The following SH3RF3 variants were observed in gnomAD, a reference collection of about 807,000 sequenced individuals.
SH3RF3 encodes E3 ubiquitin-protein ligase SH3RF3.
A neutral mutation model predicts 66.3 loss-of-function variants in SH3RF3; 29 were observed. That is an observed-to-expected ratio of 0.44 (90% confidence interval 0.33 to 0.60). The LOEUF is 0.60. Among genes scored for constraint, SH3RF3 ranks in the 20% least tolerant of loss-of-function variants. SH3RF3 has a pLI of 0.04. For missense variants in SH3RF3, 1,194 were observed against 1,190.9 expected, an observed-to-expected ratio of 1.00 and a Z score of -0.04; for synonymous variants, 583 against 532.0, an observed-to-expected ratio of 1.10 and a Z score of -1.32.
intron 1 of SH3RF3, among the ~76,000 whole-genome samples, chr2:109,334,553 C>G (rs1285182761): frequency 6.6e-6 from 1 of 152,088 alleles, no homozygotes; most frequent in Non-Finnish European, 1.5e-5. Flanking sequence ...CAGGGGAACC[C>G]TCACCCGCTC....
chr2:109,252,289 A>G (rs1351883361), intron 1 of SH3RF3, among the ~76,000 whole-genome samples: 1 of 152,210 alleles, frequency 6.6e-6, no homozygotes, highest in Non-Finnish European at 1.5e-5. Context: ...TATAATTTAA[A>G]AAGATGTTTT....
At chr2:109,350,246 A>G (rs1682810772) in intron 2 of SH3RF3, among the ~76,000 whole-genome samples, 1 of 152,200 alleles carries the variant, frequency 6.6e-6, no homozygotes, top group African/African-American at 2.4e-5. Context: ...ATGGCTGCCC[A>G]GGCTCTCTGG....
intron 1 of SH3RF3, among the ~76,000 whole-genome samples, chr2:109,329,635 T>C (rs1682239038): frequency 6.6e-6 from 1 of 152,218 alleles, no homozygotes; most frequent in South Asian, 2.1e-4. Context: ...GAGGACACTT[T>C]AGCAGAGAGA....
At chr2:109,473,673 AAGC>A (rs1289185650) in intron 8 of SH3RF3, among the ~76,000 whole-genome samples, 1 of 152,008 alleles carries the variant, frequency 6.6e-6, no homozygotes, top group Non-Finnish European at 1.5e-5. Flanking sequence ...TGGAGGGAGG[AAGC>A]AGCGTGCCAT....
rs115171345 is a variant in SH3RF3, at chr2:109,486,710, C to T, written c.2149-3895C>T. Among the ~76,000 whole-genome samples, 135 of 151,946 alleles carry T rather than the reference C, an allele frequency of 8.9e-4. 1 individual carries two copies. The highest frequency in any genetic ancestry group is 3.1e-3 in the African/African-American group (130 of 41,426). ...AGTTTGCACCCAGCAGTGTGGTTGG[C>T]GCAGGATGTGTTAGAGGAAGGGGAG... is the stretch of plus-strand genomic sequence containing the variant. On this transcript the variant is annotated intron_variant, in intron 8 of 9. Transcript: ENST00000309415.
At chr2:109,498,578 A>C (rs1474286318) in intron 9 of SH3RF3, among the ~76,000 whole-genome samples, 1 of 152,158 alleles carries the variant, frequency 6.6e-6, no homozygotes, top group Non-Finnish European at 1.5e-5. Flanking sequence ...ACTCAGCTCG[A>C]TTTTCAGACA....
At chr2:109,336,433 C>T (rs1462041094) in intron 1 of SH3RF3, among the ~76,000 whole-genome samples, 2 of 152,202 alleles carry the variant, frequency 1.3e-5, no homozygotes, top group Non-Finnish European at 2.9e-5. Flanking sequence ...AGGGAAGCTG[C>T]CACCAATAAG....
intron 8 of SH3RF3, among the ~76,000 whole-genome samples, chr2:109,485,123 A>G (rs898855432): frequency 2.6e-5 from 4 of 152,194 alleles, no homozygotes; most frequent in African/African-American, 4.8e-5. Flanking sequence ...GTCCCTTTCT[A>G]TCTGCTTCCC....
chr2:109,245,574 A>G (rs1431989475), intron 1 of SH3RF3, among the ~76,000 whole-genome samples: 1 of 152,230 alleles, frequency 6.6e-6, no homozygotes, highest in Non-Finnish European at 1.5e-5. Context: ...CTGACATGTT[A>G]TTATAGGAAC....
At chr2:109,282,309 A>C (rs1309221012) in intron 1 of SH3RF3, among the ~76,000 whole-genome samples, 1 of 152,100 alleles carries the variant, frequency 6.6e-6, no homozygotes, top group Admixed American at 6.5e-5. Context: ...CGTGTTCATA[A>C]TTGGTGCAAG....
intron 5 of SH3RF3, among the ~76,000 whole-genome samples, chr2:109,424,226 A>G (rs1676970973): frequency 6.6e-6 from 1 of 152,088 alleles, no homozygotes; most frequent in South Asian, 2.1e-4. Context: ...GAGTTTCCCC[A>G]TTGGAAGTGA....
chr2:109,305,123 A>G (rs1169247388), intron 1 of SH3RF3, among the ~76,000 whole-genome samples: 1 of 152,138 alleles, frequency 6.6e-6, no homozygotes, highest in Non-Finnish European at 1.5e-5. Context: ...TTATTCTGAT[A>G]ATATTAATCT....
Position 109,210,120 on chromosome 2 carries a change from C to T in SH3RF3, c.573+80007C>T, listed in dbSNP as rs780268002. Among the ~76,000 whole-genome samples, 10 of 152,282 alleles carry T rather than the reference C, an allele frequency of 6.6e-5. 1 individual carries two copies. The East Asian group carries it at 1.7e-3, about 26-fold the overall frequency. On this transcript the variant is annotated intron_variant, in intron 1 of 9. Coordinates refer to ENST00000309415, the MANE Select transcript of SH3RF3 (RefSeq NM_001099289.3). ...GGTCCTCAGGATTCATCGACATAGC[C>T]GCATGCGTCACAATCTCCTTCCTCC...
chr2:109,420,613 A>T (rs1020892971), intron 5 of SH3RF3, among the ~76,000 whole-genome samples: 1 of 151,866 alleles, frequency 6.6e-6, no homozygotes, highest in Non-Finnish European at 1.5e-5. Flanking sequence ...GCCTGGCTAA[A>T]TTTTTGTATT....
chr2:109,405,985 C>G (rs193125506), intron 4 of SH3RF3, among the ~76,000 whole-genome samples: 22 of 152,330 alleles, frequency 1.4e-4, no homozygotes, highest in African/African-American at 5.3e-4. Context: ...GTGGCCTTCC[C>G]CAACTCCCGC....
At position 109,494,905 on chromosome 2, in the gene SH3RF3, G is replaced by T. The variant is rs142477658; in HGVS notation, c.2480+3969G>T. Among the ~76,000 whole-genome samples, 296 of 152,284 alleles carry T rather than the reference G, an allele frequency of 1.9e-3. 4 individuals carry two copies. The East Asian group carries it at 0.044, about 23-fold the overall frequency. On this transcript the variant is annotated intron_variant, in intron 9 of 9. Coordinates refer to ENST00000309415, the MANE Select transcript of SH3RF3 (RefSeq NM_001099289.3). ...TCAGAGGAAGGACATTCAAGTAGAA[G>T]GTGCTGCAGAGGGAGCTCCTCTGAG...
chr2:109,402,528 C>T (rs1019273163), intron 4 of SH3RF3, among the ~76,000 whole-genome samples: 1 of 152,244 alleles, frequency 6.6e-6, no homozygotes, highest in Non-Finnish European at 1.5e-5. Context: ...GGCCCGCAGC[C>T]CCAGGCTCCT....
intron 2 of SH3RF3, among the ~76,000 whole-genome samples, chr2:109,370,078 C>T (rs937748534): frequency 6.6e-6 from 1 of 152,100 alleles, no homozygotes; most frequent in Non-Finnish European, 1.5e-5. Flanking sequence ...GGCCTTGGGG[C>T]GTTCCATGAT....
intron 1 of SH3RF3, among the ~76,000 whole-genome samples, chr2:109,180,188 C>A (rs997474053): frequency 1.3e-5 from 2 of 151,992 alleles, no homozygotes; most frequent in Admixed American, 1.3e-4. Context: ...CCCTCTCTAC[C>A]TGTGCTGCCA....
Sources: gnomAD v4.1 joint callset for allele counts (sites outside exome capture counted in the v4.1 genomes callset) on GRCh38, gnomAD v4.1.1 for gene constraint, MANE v1.5 for transcripts, NCBI Gene and HGNC (gene_info 2026-07-23, HGNC 2026-07-21) for gene names.